The following PRKN variants were observed in gnomAD, a reference collection of about 807,000 sequenced individuals.
The protein encoded by PRKN is parkin RBR E3 ubiquitin protein ligase, also known as E3 ubiquitin-protein ligase parkin.
PRKN carries 56 observed loss-of-function variants against 59.5 expected under a neutral mutation model. That is an observed-to-expected ratio of 0.94 (90% CI 0.76 to 1.18). The LOEUF (loss-of-function observed/expected upper bound fraction) is 1.18, where lower values mean the gene tolerates loss of function less well. Ranked by LOEUF, PRKN falls within the 50% of genes most tolerant of loss-of-function variation. The pLI is 0.00. For missense variants in PRKN, 657 were observed against 596.4 expected, an observed-to-expected ratio of 1.10 and a Z score of -1.06; for synonymous variants, 250 against 222.1, an observed-to-expected ratio of 1.13 and a Z score of -1.12.
At chr6:161,921,891 A>G (rs1277151321) in intron 6 of PRKN, among the ~76,000 whole-genome samples, 1 of 152,246 alleles carries the variant, frequency 6.6e-6, no homozygotes, top group East Asian at 1.9e-4. Flanking sequence ...GTGAAAGCAG[A>G]TAGAAGGAAC....
At chr6:161,891,034 C>T (rs894457568) in intron 6 of PRKN, among the ~76,000 whole-genome samples, 2 of 152,126 alleles carry the variant, frequency 1.3e-5, no homozygotes, top group African/African-American at 4.8e-5. Flanking sequence ...TGCTACAAAG[C>T]GGGAAATAAC....
intron 1 of PRKN, among the ~76,000 whole-genome samples, chr6:162,449,801 G>C (rs1428675497): frequency 1.3e-5 from 2 of 151,942 alleles, no homozygotes; most frequent in Non-Finnish European, 2.9e-5. Context: ...CAACCCTCCT[G>C]CAAAAAAACT....
At chr6:161,366,156 A>C (rs747832496) in intron 10 of PRKN, among the ~76,000 whole-genome samples, 1 of 152,232 alleles carries the variant, frequency 6.6e-6, no homozygotes, top group Non-Finnish European at 1.5e-5. Flanking sequence ...AAGCAACCCC[A>C]GAGAGCTCTC....
rs187038793 is a variant in PRKN at position 161,724,462 on chromosome 6, G to T, written c.871+61310C>A. 2.8e-3 allele frequency among the ~76,000 whole-genome samples: 434 copies of T among 152,304 alleles called. 2 individuals carry two copies. The highest frequency in any genetic ancestry group is 0.01 in the African/African-American group (417 of 41,576). ...CTCTCTCAGGGATGGTGCCTCTGAT[G>T]ATAGTGTGAATTGGAAAGCTGAAAA... is the stretch of plus-strand genomic sequence containing the variant. On this transcript the variant is annotated intron_variant, in intron 7 of 11. Transcript: ENST00000366898.
intron 2 of PRKN, among the ~76,000 whole-genome samples, chr6:162,335,367 C>G (rs746328870): frequency 2.6e-5 from 4 of 152,044 alleles, no homozygotes; most frequent in African/African-American, 4.8e-5. Flanking sequence ...AGACATAATG[C>G]TATCGCATAA....
At chr6:162,409,819 T>C (rs1038437466) in intron 2 of PRKN, among the ~76,000 whole-genome samples, 4 of 152,194 alleles carry the variant, frequency 2.6e-5, no homozygotes, top group Admixed American at 6.5e-5. Flanking sequence ...AAGACGAATT[T>C]AAAATCAATC....
At chr6:162,074,612 T>G (rs897186200) in intron 4 of PRKN, among the ~76,000 whole-genome samples, 19 of 83,804 alleles carry the variant, frequency 2.3e-4, no homozygotes, top group African/African-American at 9.4e-4. Context: ...ACATGTACCC[T>G]AAAACTTAAA....
At chr6:162,183,931 T>C (rs906142462) in intron 4 of PRKN, among the ~76,000 whole-genome samples, 15 of 152,302 alleles carry the variant, frequency 9.8e-5, no homozygotes, top group African/African-American at 3.6e-4. Flanking sequence ...TCCCCTGAAC[T>C]AGTGCTATCT....
At chr6:161,668,857 C>T (rs949666364) in intron 7 of PRKN, among the ~76,000 whole-genome samples, 1 of 152,202 alleles carries the variant, frequency 6.6e-6, no homozygotes, top group Admixed American at 6.5e-5. Context: ...CATCCTGTGA[C>T]CTGCTTCTAC....
At chr6:161,534,494 T>A in intron 9 of PRKN, among the ~76,000 whole-genome samples, 1 of 152,190 alleles carries the variant, frequency 6.6e-6, no homozygotes, top group South Asian at 2.1e-4. Flanking sequence ...GGGCAAGTGG[T>A]ATGCACACGA....
chr6:162,089,429 T>C (rs1031810582), intron 4 of PRKN, among the ~76,000 whole-genome samples: 1 of 152,134 alleles, frequency 6.6e-6, no homozygotes, highest in Admixed American at 6.5e-5. Flanking sequence ...CATAGGTAAA[T>C]TGTAAATCTC....
intron 1 of PRKN, among the ~76,000 whole-genome samples, chr6:162,709,881 C>G (rs947870990): frequency 3.1e-5 from 4 of 129,750 alleles, no homozygotes; most frequent in Non-Finnish European, 6.3e-5. Flanking sequence ...ATGCTCTTGC[C>G]TAGGAGGTGG....
rs546372237 is a variant in PRKN, at chr6:162,100,723, T to G, written c.535-46549A>C. Among the ~76,000 whole-genome samples, 4 of 152,314 alleles carry G rather than the reference T, an allele frequency of 2.6e-5. No individual in the cohort carries two copies. In the South Asian group the frequency reaches 8.3e-4, roughly 32 times the overall value. On this transcript the variant is annotated intron_variant, in intron 4 of 11. Transcript: ENST00000366898. ...TCCCAAAGTGCTGGGATTACAGGCA[T>G]GAGCCACCGTGCCCGGCCATCTCTT... is the stretch of plus-strand genomic sequence containing the variant.
At chr6:162,463,502 A>G (rs895089373) in intron 1 of PRKN, among the ~76,000 whole-genome samples, 1 of 152,182 alleles carries the variant, frequency 6.6e-6, no homozygotes, top group Non-Finnish European at 1.5e-5. Context: ...AAAGGGCAGA[A>G]GTGCTTCCTG....
At position 162,659,258 on chromosome 6, in the gene PRKN, C is replaced by T. The variant is rs923740559; in HGVS notation, c.7+68404G>A. On this transcript the variant is annotated intron_variant, in intron 1 of 11. Transcript: ENST00000366898. The stretch of plus-strand genomic sequence containing the variant: ...CCTTTAACTTAAATATGTTGTTTGG[C>T]CAACTTCCAGCTTTGGATTTTTAAG... Among the ~76,000 whole-genome samples the T allele has an allele frequency of 2.6e-5, 4 of 152,054 alleles. No homozygotes were observed. In the East Asian group the frequency reaches 5.8e-4, roughly 22 times the overall value.
chr6:162,460,230 C>T (rs764240306), intron 1 of PRKN, among the ~76,000 whole-genome samples: 13 of 152,120 alleles, frequency 8.5e-5, no homozygotes, highest in African/African-American at 3.1e-4. Flanking sequence ...CCTGGGTGAA[C>T]CTTGAAAACA....
At chr6:162,350,528 G>A (rs1383079687) in intron 2 of PRKN, among the ~76,000 whole-genome samples, 2 of 152,146 alleles carry the variant, frequency 1.3e-5, no homozygotes, top group African/African-American at 4.8e-5. Context: ...ACACAAACAT[G>A]TTGACAACTG....
At chr6:161,649,040 C>T (rs1049280040) in intron 7 of PRKN, among the ~76,000 whole-genome samples, 7 of 152,212 alleles carry the variant, frequency 4.6e-5, no homozygotes, top group Non-Finnish European at 1.0e-4. Flanking sequence ...AATACACCAC[C>T]TGTAATTATT....
intron 1 of PRKN, among the ~76,000 whole-genome samples, chr6:162,612,218 A>G (rs1477965904): frequency 1.4e-5 from 2 of 145,988 alleles, no homozygotes; most frequent in Non-Finnish European, 1.5e-5. Context: ...AAAAAAAGAA[A>G]TGATACAAAT....
Sources: allele counts gnomAD v4.1 joint callset (sites outside exome capture counted in the v4.1 genomes callset), GRCh38; gene constraint gnomAD v4.1.1; transcripts MANE v1.5; gene names NCBI Gene and HGNC (gene_info 2026-07-23, HGNC 2026-07-21).